LDHB: variants seen among roughly 807,000 people sequenced by gnomAD.
LDHB encodes the protein lactate dehydrogenase B.
Under a neutral mutation model 33.4 loss-of-function variants are expected in LDHB, and 18 were observed. The observed-to-expected ratio is 0.54, with a 90% CI of 0.37 to 0.80. The LOEUF is 0.80. Among genes scored for constraint, LDHB ranks in the 30% least tolerant of loss-of-function variants. LDHB has a pLI of 0.00. For missense variants in LDHB, 345 were observed against 407.9 expected (o/e 0.85, Z 1.33); for synonymous variants, 121 against 140.6 (o/e 0.86, Z 0.98).
chr12:21,644,467 A>G (rs960609268), intron 3 of LDHB, among the ~76,000 whole-genome samples: 1 of 151,488 alleles, frequency 6.6e-6, no homozygotes, highest in Non-Finnish European at 1.5e-5. Flanking sequence ...ACCAATTTTA[A>G]GTTACTTTTA....
intron 2 of LDHB, among the ~76,000 whole-genome samples, chr12:21,649,298 G>A (rs1938614754): frequency 6.6e-6 from 1 of 152,188 alleles, no homozygotes; most frequent in Non-Finnish European, 1.5e-5. Context: ...GGCTGAAAAG[G>A]AAGGAAGAGA....
At chr12:21,638,203 A>G (rs1411541408) in intron 6 of LDHB, 150 bp downstream of exon 6, 16 of 613,464 alleles carry the variant, frequency 2.6e-5, no homozygotes, top group Non-Finnish European at 4.4e-5. Context: ...AAGTTTGACC[A>G]GTGTAAAAGT....
chr12:21,641,814 G>A, intron 5 of LDHB, 138 bp downstream of exon 5: 2 of 690,220 alleles, frequency 2.9e-6, no homozygotes, highest in Non-Finnish European at 4.9e-6. Context: ...AAATGGAATA[G>A]AATAGAAAAG....
intron 4 of LDHB, among the ~76,000 whole-genome samples, chr12:21,643,281 T>C (rs975863273): frequency 3.9e-5 from 6 of 152,236 alleles, no homozygotes; most frequent in Admixed American, 1.3e-4. Flanking sequence ...CTCACCAACA[T>C]GCAGTAATTT....
At chr12:21,644,949 AAAAG>A (rs1271604275) in intron 3 of LDHB, among the ~76,000 whole-genome samples, 4 of 152,158 alleles carry the variant, frequency 2.6e-5, no homozygotes, top group Non-Finnish European at 4.4e-5. Context: ...TACTGTGGGG[AAAAG>A]AAAGAGAGAT....
intron 5 of LDHB, 117 bp from the exon 6 acceptor site, chr12:21,638,587 T>G: frequency 1.4e-6 from 1 of 730,188 alleles, no homozygotes; most frequent in Non-Finnish European, 2.4e-6. Context: ...CAACTGGAAC[T>G]GCTCCAATAA....
intron 2 of LDHB, among the ~76,000 whole-genome samples, chr12:21,649,195 A>C (rs1938611021): frequency 6.6e-6 from 1 of 152,194 alleles, no homozygotes; most frequent in African/African-American, 2.4e-5. Flanking sequence ...AGGGCAAAAC[A>C]ATTTAGTGCT....
chr12:21,651,073 C>T (rs1429446210), intron 2 of LDHB, among the ~76,000 whole-genome samples: 4 of 152,304 alleles, frequency 2.6e-5, no homozygotes, highest in Non-Finnish European at 5.9e-5. Flanking sequence ...AAGGGAAATG[C>T]AAGCAAAAGA....
intron 5 of LDHB, among the ~76,000 whole-genome samples, chr12:21,639,637 G>A (rs1192863747): frequency 6.6e-6 from 1 of 151,970 alleles, no homozygotes; most frequent in Non-Finnish European, 1.5e-5. Flanking sequence ...TACATAGGTG[G>A]CATAATTATC....
At chr12:21,649,342 A>C (rs1404204344) in intron 2 of LDHB, among the ~76,000 whole-genome samples, 1 of 152,226 alleles carries the variant, frequency 6.6e-6, no homozygotes, top group African/African-American at 2.4e-5. Context: ...TGTAACACTG[A>C]ATTTAGCTGC....
chr12:21,644,105 T>C lies in LDHB; in HGVS notation c.251A>G (p.Tyr84Cys). ...QTPKIVADKD[Y>C]SVTANSKIVV... Reference sequence around the variant, plus strand: ...AATCTTAGAATTGGCAGTCACAGAATAATCTTTAAAAAGAAAAGCAAAAAC... The same window carrying C: ...AATCTTAGAATTGGCAGTCACAGAACAATCTTTAAAAAGAAAAGCAAAAAC... The change falls in exon 4 of 8, where the codon TAT becomes TGT. Residue 84 changes from tyrosine to cysteine, a missense_variant. Tyr to Cys is a radical substitution (Grantham distance 194). Coordinates refer to ENST00000350669, the MANE Select transcript of LDHB (RefSeq NM_002300.8). The C allele has an allele frequency of 6.2e-7, 1 of 1,610,848 alleles. No homozygotes were observed. The highest frequency in any genetic ancestry group is 8.5e-7 in the Non-Finnish European group (1 of 1,177,154).
chr12:21,649,104 A>C (rs1938608314), intron 2 of LDHB, among the ~76,000 whole-genome samples: 1 of 152,202 alleles, frequency 6.6e-6, no homozygotes, highest in Non-Finnish European at 1.5e-5. Flanking sequence ...AATAATAGCT[A>C]TAATGGTTCT....
intron 1 of LDHB, 83 bp from the exon 2 acceptor site, chr12:21,654,760 A>G (rs1156419833): frequency 2.7e-6 from 3 of 1,119,936 alleles, no homozygotes; most frequent in African/African-American, 3.0e-5. Flanking sequence ...TTACTGTTGC[A>G]ATTTCGAACT....
intron 6 of LDHB, among the ~76,000 whole-genome samples, chr12:21,638,060 T>C (rs1938264609): frequency 6.6e-6 from 1 of 152,044 alleles, no homozygotes; most frequent in African/African-American, 2.4e-5. Context: ...TCTAAATAAA[T>C]CAACCTTATT....
At position 21,643,706 on chromosome 12, in the gene LDHB, G is replaced by A. The variant is rs1938433962; in HGVS notation, c.421+229C>T. Reference sequence around the variant, plus strand: ...AGAATCTATAACCAAGCCAGATGAAGCAAAAACATGAAATTGCTTTAGCTA... The same window carrying A: ...AGAATCTATAACCAAGCCAGATGAAACAAAAACATGAAATTGCTTTAGCTA... On this transcript the variant is annotated intron_variant, in intron 4 of 7. Coordinates refer to ENST00000350669, the MANE Select transcript of LDHB (RefSeq NM_002300.8). 6 of 525,448 alleles carry A rather than the reference G, an allele frequency of 1.1e-5. No homozygotes were observed. In the East Asian group the frequency reaches 1.5e-4, roughly 13 times the overall value. The allele number at this position is 525,448 out of a possible 1,614,324, so 32.5% of individuals were successfully genotyped here.
Position 21,642,000 on chromosome 12 carries a change from G to A in LDHB, c.547C>T (p.Pro183Ser), listed in dbSNP as rs746496684. The A allele has an allele frequency of 3.1e-6, 5 of 1,613,574 alleles. No homozygotes were observed. Among genetic ancestry groups the A allele is most frequent in the Admixed American group, 3.3e-5 (2 of 59,972 alleles). ...YLMAEKLGIH[P>S]SSCHGWILGE... is the part of the protein sequence containing the mutation. ...AAAATCCATCCATGGCAGCTGCTGG[G>A]ATGAATGCCAAGTTTTTCAGCCATA... is the stretch of plus-strand genomic sequence containing the variant. The change falls in exon 5 of 8, where the codon CCC (proline) becomes TCC (serine). Residue 183 changes from proline to serine, a missense_variant. Physicochemically the swap from Pro to Ser is moderately conservative, Grantham distance 74 (BLOSUM62 -1). Transcript: ENST00000350669.
At chr12:21,635,909 G>A (rs958897886) in intron 7 of LDHB, among the ~76,000 whole-genome samples, 200 bp from the exon 8 acceptor site, 9 of 151,910 alleles carry the variant, frequency 5.9e-5, no homozygotes, top group Non-Finnish European at 8.8e-5. Context: ...ATAATCAAAG[G>A]TCCGATGTTC....
intron 7 of LDHB, among the ~76,000 whole-genome samples, chr12:21,636,048 C>A (rs1379366093): frequency 6.6e-6 from 1 of 152,098 alleles, no homozygotes; most frequent in Non-Finnish European, 1.5e-5. Flanking sequence ...AATATGCAAA[C>A]ATACACTATG....
intron 2 of LDHB, among the ~76,000 whole-genome samples, chr12:21,651,456 G>A (rs1448080940): frequency 6.6e-6 from 1 of 152,206 alleles, no homozygotes; most frequent in Non-Finnish European, 1.5e-5. Context: ...AGGGGCCTTA[G>A]TGGGCTTCGC....
Sources: allele counts gnomAD v4.1 joint callset (sites outside exome capture counted in the v4.1 genomes callset), GRCh38; gene constraint gnomAD v4.1.1; transcripts MANE v1.5; gene names NCBI Gene and HGNC (gene_info 2026-07-23, HGNC 2026-07-21).